The following SYNPR variants were observed in gnomAD, a reference collection of about 807,000 sequenced individuals.
SYNPR encodes synaptoporin.
In SYNPR, 23 loss-of-function variants were observed where a neutral mutation model predicts 32.9. The observed-to-expected ratio is 0.70, with a 90% CI of 0.50 to 0.99. The LOEUF (loss-of-function observed/expected upper bound fraction) is 0.99, where lower values mean the gene tolerates loss of function less well. SYNPR is among the 50% of genes least tolerant of loss of function. The pLI, the probability that SYNPR is intolerant of heterozygous loss-of-function variation, is 0.00. For missense variants in SYNPR, 318 were observed against 349.3 expected, an observed-to-expected ratio of 0.91 and a Z score of 0.71; for synonymous variants, 146 against 135.9, an observed-to-expected ratio of 1.07 and a Z score of -0.52.
At chr3:63,591,507 G>C (rs1195828706) in intron 4 of SYNPR, among the ~76,000 whole-genome samples, 1 of 119,040 alleles carries the variant, frequency 8.4e-6, no homozygotes, top group Non-Finnish European at 1.7e-5. Flanking sequence ...ACATGCACAC[G>C]TATGTTTATT....
intron 4 of SYNPR, among the ~76,000 whole-genome samples, chr3:63,576,099 A>G (rs1702975000): frequency 6.6e-6 from 1 of 152,134 alleles, no homozygotes; most frequent in Non-Finnish European, 1.5e-5. Flanking sequence ...TCCCCAAATG[A>G]CACTGTAATA....
At chr3:63,380,389 G>C (rs2107067214) in intron 2 of SYNPR, among the ~76,000 whole-genome samples, 1 of 152,276 alleles carries the variant, frequency 6.6e-6, no homozygotes, top group Middle Eastern at 3.4e-3. Context: ...TCTAACTGGT[G>C]TGAGATGGTA....
At chr3:63,500,020 G>A (rs1364301872) in intron 3 of SYNPR, among the ~76,000 whole-genome samples, 1 of 152,082 alleles carries the variant, frequency 6.6e-6, no homozygotes, top group Non-Finnish European at 1.5e-5. Flanking sequence ...CAAAAAATAT[G>A]CAACTTGCTC....
chr3:63,407,340 A>G (rs1482861065), intron 2 of SYNPR, among the ~76,000 whole-genome samples: 3 of 152,220 alleles, frequency 2.0e-5, no homozygotes, highest in Non-Finnish European at 4.4e-5. Context: ...GAAGGATTAC[A>G]TGAGTTATGA....
At chr3:63,568,469 C>T (rs1217649396) in intron 4 of SYNPR, among the ~76,000 whole-genome samples, 2 of 152,290 alleles carry the variant, frequency 1.3e-5, no homozygotes, top group East Asian at 3.9e-4. Context: ...TTGGGAGAAC[C>T]ACCCTCTCCC....
intron 2 of SYNPR, among the ~76,000 whole-genome samples, chr3:63,342,469 A>T (rs1306016197): frequency 6.6e-6 from 1 of 152,180 alleles, no homozygotes; most frequent in Non-Finnish European, 1.5e-5. Flanking sequence ...AATAAATCCT[A>T]CTTGGTCATG....
At chr3:63,234,963 T>G (rs1162466166) in intron 1 of SYNPR, among the ~76,000 whole-genome samples, 2 of 152,210 alleles carry the variant, frequency 1.3e-5, no homozygotes, top group African/African-American at 2.4e-5. Context: ...CTTTTACAAT[T>G]TGTCTACAAT....
chr3:63,416,448 C>T (rs1052260101), intron 2 of SYNPR, among the ~76,000 whole-genome samples: 7 of 146,542 alleles, frequency 4.8e-5, no homozygotes, highest in African/African-American at 1.3e-4. Flanking sequence ...GGGCGAATTG[C>T]TTGAACCCGG....
chr3:63,373,396 T>C lies in SYNPR; in HGVS notation c.84+94654T>C, dbSNP rs556695254. ...ATAAGAAAGAACCAAACTGATCTGA[T>C]ACAGCTGAAAAACACACCACAAAAA... On this transcript the variant is annotated intron_variant, in intron 2 of 5. Transcript: ENST00000478300. Among the ~76,000 whole-genome samples, 5 of 152,292 alleles carry C rather than the reference T, an allele frequency of 3.3e-5. No individual in the cohort carries two copies. In the East Asian group the frequency reaches 9.7e-4, roughly 29 times the overall value.
chr3:63,567,592 A>G (rs567385445), intron 4 of SYNPR, among the ~76,000 whole-genome samples: 28 of 152,340 alleles, frequency 1.8e-4, no homozygotes, highest in African/African-American at 6.0e-4. Context: ...CTCACAGTTC[A>G]TTAGACTTTC....
the SYNPR span, among the ~76,000 whole-genome samples, chr3:63,211,048 G>C: frequency 6.6e-6 from 1 of 152,030 alleles, no homozygotes; most frequent in African/African-American, 2.4e-5. Context: ...CTATAAATTA[G>C]GCTGTTGGGA....
chr3:63,278,467 G>T lies in SYNPR; in HGVS notation c.-67G>T, dbSNP rs2106915072. The T allele has an allele frequency of 6.6e-7, 1 of 1,517,684 alleles. No homozygotes were observed. Among genetic ancestry groups the T allele is most frequent in the Non-Finnish European group, 8.9e-7 (1 of 1,128,904 alleles). 94.0% of individuals were successfully genotyped at this position (1,517,684 alleles called of 1,614,324 possible). A position where few individuals can be genotyped will look rare whatever the true frequency, so the allele number is the denominator to read the frequency against. Reference sequence around the variant, plus strand: ...CGAAGGGGCTTCTGGCCCTGAGGACGGTGGTGCCAAGCGAACTTCATTTTT... The same window carrying T: ...CGAAGGGGCTTCTGGCCCTGAGGACTGTGGTGCCAAGCGAACTTCATTTTT... On this transcript the variant is annotated 5_prime_UTR_variant, in exon 1 of 6. Transcript: ENST00000478300.
Position 63,609,237 on chromosome 3 carries a change from T to G in SYNPR, c.521T>G (p.Leu174Arg), listed in dbSNP as rs1011435097. The change falls in exon 5 of 6, where the codon CTA (leucine) becomes CGA (arginine). Residue 174 changes from leucine to arginine, a missense_variant. Physicochemically the swap from Leu to Arg is moderately radical, Grantham distance 102. Coordinates refer to ENST00000478300, the MANE Select transcript of SYNPR (RefSeq NM_001130003.2). ...ACGGATCCCAAGGAAGTATTGCTAC[T>G]AATGTCAGCTTGCAAACAGCCATCC... ...VATDPKEVLL[L>R]MSACKQPSNK... The G allele has an allele frequency of 6.2e-7, 1 of 1,607,934 alleles. No homozygotes were observed. Among genetic ancestry groups the G allele is most frequent in the African/African-American group, 1.3e-5 (1 of 74,902 alleles).
chr3:63,476,141 G>GGAAA lies in SYNPR; in HGVS notation c.85-4688_85-4687insAGAA, dbSNP rs1491297671. On this transcript the variant is annotated intron_variant, in intron 2 of 5. Transcript: ENST00000478300. ...AGGAAGGAAGGAAGGAAGGAAGGAA[G>GGAAA]GAAGGAAGGGAGGGAGGGAGGGAGG... Among the ~76,000 whole-genome samples the GGAAA allele has an allele frequency of 3.1e-3, 103 of 33,030 alleles. 2 individuals carry two copies. The highest frequency in any genetic ancestry group is 7.4e-3 in the African/African-American group (39 of 5,286). The allele number at this position is 33,030 out of a possible 152,430, so 21.7% of individuals were successfully genotyped here.
At chr3:63,321,242 A>G (rs1265898962) in intron 2 of SYNPR, among the ~76,000 whole-genome samples, 1 of 152,092 alleles carries the variant, frequency 6.6e-6, no homozygotes, top group Admixed American at 6.6e-5. Flanking sequence ...GCCTTAGTCC[A>G]TTTCTGACCT....
chr3:63,545,798 C>T (rs932764996), intron 3 of SYNPR, among the ~76,000 whole-genome samples: 38 of 152,032 alleles, frequency 2.5e-4, no homozygotes, highest in Admixed American at 1.8e-3. Context: ...TTATAAATAG[C>T]ACGTTTTGAC....
At chr3:63,463,766 C>T (rs1471715042) in intron 2 of SYNPR, among the ~76,000 whole-genome samples, 1 of 152,144 alleles carries the variant, frequency 6.6e-6, no homozygotes, top group Non-Finnish European at 1.5e-5. Context: ...CTCCTCATCT[C>T]CTCTCATCAG....
At chr3:63,439,206 A>T (rs1160054713) in intron 2 of SYNPR, among the ~76,000 whole-genome samples, 1 of 152,226 alleles carries the variant, frequency 6.6e-6, no homozygotes, top group Non-Finnish European at 1.5e-5. Flanking sequence ...AGCTCTGACC[A>T]TATTAGAAAT....
chr3:63,494,301 C>T (rs1701314286), intron 3 of SYNPR, among the ~76,000 whole-genome samples: 1 of 149,770 alleles, frequency 6.7e-6, no homozygotes, highest in African/African-American at 2.4e-5. Context: ...AGCATGTCCC[C>T]TTAAAAAAGG....
Sources: allele counts gnomAD v4.1 joint callset (sites outside exome capture counted in the v4.1 genomes callset), GRCh38; gene constraint gnomAD v4.1.1; transcripts MANE v1.5; gene names NCBI Gene and HGNC (gene_info 2026-07-23, HGNC 2026-07-21).